Variants in KIAA0753 observed in about 807,000 individuals in gnomAD.
The protein encoded by KIAA0753 is protein moonraker.
Under a neutral mutation model 116.9 loss-of-function variants are expected in KIAA0753, and 114 were observed. The ratio of observed to expected loss-of-function variants is 0.98; its 90% CI spans 0.84 to 1.14. The LOEUF is 1.14. KIAA0753 is among the 50% of genes most tolerant of loss of function. KIAA0753 has a pLI of 0.00. For missense variants in KIAA0753, 1,156 were observed against 1,172.4 expected (o/e 0.99, Z 0.20); for synonymous variants, 405 against 413.1 (o/e 0.98, Z 0.24).
intron 9 of KIAA0753, among the ~76,000 whole-genome samples, chr17:6,609,129 G>A (rs113232826): frequency 0.014 from 2,137 of 152,262 alleles, 48 homozygotes; most frequent in African/African-American, 0.048. Context: ...GGATGAGCAC[G>A]GCCATTCCTT....
Position 6,607,281 on chromosome 17 carries a change from G to C in KIAA0753, c.1830-11C>G. The stretch of plus-strand genomic sequence containing the variant: ...TCAAGCCAAGCGAGCCTAGCAGACA[G>C]TCAAAAGAGTCAAACCAATTCTGCC... On this transcript the variant is annotated splice_polypyrimidine_tract_variant and intron_variant, in intron 10 of 18. Coordinates refer to ENST00000361413, the MANE Select transcript of KIAA0753 (RefSeq NM_014804.3). 3.7e-6 allele frequency: 6 copies of C among 1,611,606 alleles called. No homozygotes were observed. The highest frequency in any genetic ancestry group is 4.2e-6 in the Non-Finnish European group (5 of 1,177,968).
chr17:6,616,780 C>T (rs1319921368), intron 7 of KIAA0753, among the ~76,000 whole-genome samples: 1 of 152,102 alleles, frequency 6.6e-6, no homozygotes, highest in African/African-American at 2.4e-5. Context: ...GAGCTGAGAT[C>T]GTGCCACTGC....
intron 18 of KIAA0753, among the ~76,000 whole-genome samples, chr17:6,580,961 A>G (rs1244590010): frequency 1.3e-5 from 2 of 151,670 alleles, no homozygotes; most frequent in Non-Finnish European, 2.9e-5. Flanking sequence ...CAAGCTTCGT[A>G]TCTCCCAAGT....
At chr17:6,619,754 G>GA (rs1379581209) in intron 7 of KIAA0753, among the ~76,000 whole-genome samples, 1 of 151,266 alleles carries the variant, frequency 6.6e-6, no homozygotes, top group Non-Finnish European at 1.5e-5. Context: ...TTTAAAAAAA[G>GA]AAAAAAGAAA....
At chr17:6,621,044 G>GTGAT (rs1400206237) in intron 6 of KIAA0753, 46 bp from the exon 7 acceptor site, 1 of 1,570,926 alleles carries the variant, frequency 6.4e-7, no homozygotes, top group African/African-American at 1.4e-5. Context: ...TCTCGCAAAA[G>GTGAT]TATGACTTTT....
Position 6,590,614 on chromosome 17 carries a change from T to C in KIAA0753, c.2457A>G (p.Ala819=). 5.0e-6 allele frequency: 8 copies of C among 1,613,890 alleles called. No homozygotes were observed. The highest frequency in any genetic ancestry group is 5.9e-6 in the Non-Finnish European group (7 of 1,179,810). ...GAGGAGATAGAGGCTTTTCACTTAT[T>C]GCTGAGATTTTTTGGTCTAGAAAAG... is the stretch of plus-strand genomic sequence containing the variant. The part of the protein sequence containing the change: ...QEENNDQKIS[A]ISEKPLSPHP... The change falls in exon 17 of 19, where the codon GCA becomes GCG. Residue 819 remains alanine, a synonymous_variant. Transcript: ENST00000361413.
rs1394903862 is a variant in KIAA0753 at position 6,595,025 on chromosome 17, T to C, written c.2387A>G (p.Tyr796Cys). The C allele has an allele frequency of 3.7e-6, 6 of 1,611,592 alleles. No individual in the cohort carries two copies. Among genetic ancestry groups the C allele is most frequent in the African/African-American group, 2.7e-5 (2 of 74,868 alleles). The change falls in exon 16 of 19, where the codon TAT (tyrosine) becomes TGT (cysteine). Residue 796 changes from tyrosine to cysteine, a missense_variant. Transcript: ENST00000361413. ...EKYQESVRQR[Y>C]NKIAYADPRL... The stretch of plus-strand genomic sequence containing the variant: ...AGGATCAGCATATGCGATTTTATTA[T>C]ATCTTTGACGAACAGACTCCTGGTA...
chr17:6,602,529 GAT>G (rs1969943375), intron 12 of KIAA0753, among the ~76,000 whole-genome samples: 1 of 152,190 alleles, frequency 6.6e-6, no homozygotes, highest in South Asian at 2.1e-4. Flanking sequence ...GGTAGATCTT[GAT>G]GATTCTATTC....
intron 6 of KIAA0753, among the ~76,000 whole-genome samples, chr17:6,621,649 A>G (rs1971332656): frequency 6.6e-6 from 1 of 152,184 alleles, no homozygotes; most frequent in African/African-American, 2.4e-5. Flanking sequence ...GAAAAATAAC[A>G]CATTTCTTGC....
chr17:6,604,143 T>C (rs1970045621), intron 12 of KIAA0753, among the ~76,000 whole-genome samples: 2 of 152,040 alleles, frequency 1.3e-5, no homozygotes, highest in Non-Finnish European at 2.9e-5. Context: ...TGGGCATTTA[T>C]CCCAGGAAAA....
chr17:6,617,778 G>A (rs1016880929), intron 7 of KIAA0753, among the ~76,000 whole-genome samples: 3 of 152,206 alleles, frequency 2.0e-5, no homozygotes, highest in Admixed American at 6.5e-5. Context: ...GTTCGTCATC[G>A]ATCATGCCTA....
At chr17:6,633,594 T>C (rs570496373) in intron 2 of KIAA0753, among the ~76,000 whole-genome samples, 3 of 152,172 alleles carry the variant, frequency 2.0e-5, no homozygotes, top group Admixed American at 6.5e-5. Context: ...AGAATGTTCA[T>C]AGCAGCTTTA....
intron 16 of KIAA0753, among the ~76,000 whole-genome samples, chr17:6,591,317 T>C (rs1210635010): frequency 3.9e-5 from 6 of 152,260 alleles, no homozygotes; most frequent in African/African-American, 1.2e-4. Context: ...GGAGCATCTA[T>C]ATGTCAAGCG....
intron 1 of KIAA0753, chr17:6,636,718 C>T (rs1972349017): frequency 6.6e-6 from 1 of 152,554 alleles, no homozygotes; most frequent in Non-Finnish European, 1.5e-5. Flanking sequence ...ATCCGCAACC[C>T]ATGACAAACC....
At chr17:6,582,881 CT>C (rs1335598318) in intron 18 of KIAA0753, among the ~76,000 whole-genome samples, 1 of 151,882 alleles carries the variant, frequency 6.6e-6, no homozygotes, top group African/African-American at 2.4e-5. Flanking sequence ...TATTCCCTTC[CT>C]GACTTATATT....
chr17:6,592,630 AC>A (rs1409747379), intron 16 of KIAA0753, among the ~76,000 whole-genome samples: 1 of 152,124 alleles, frequency 6.6e-6, no homozygotes, highest in Non-Finnish European at 1.5e-5. Context: ...AACAAAATGA[AC>A]CCCAACCTCT....
intron 8 of KIAA0753, among the ~76,000 whole-genome samples, chr17:6,611,150 T>G (rs1970512953): frequency 6.6e-6 from 1 of 152,210 alleles, no homozygotes; most frequent in Non-Finnish European, 1.5e-5. Context: ...GGGCCATAAG[T>G]AAGTTTTAAA....
chr17:6,589,939 G>C lies in KIAA0753; in HGVS notation c.2626C>G (p.Leu876Val), dbSNP rs1334576620. Residue 876 changes from leucine to valine, a missense_variant, in exon 18 of 19, where the codon CTA becomes GTA. Transcript: ENST00000361413. The stretch of plus-strand genomic sequence containing the variant: ...TCTTTCTGTTGAGAATCTTCGGCTA[G>C]GGAGAGAAGAGGGGCCTCTCTTTTC... ...SEKREAPLLSLAEDSQQKEGR... is the reference protein window; with the variant it reads ...SEKREAPLLSVAEDSQQKEGR... The C allele has an allele frequency of 6.2e-7, 1 of 1,610,550 alleles. No homozygotes were observed. The highest frequency in any genetic ancestry group is 8.5e-7 in the Non-Finnish European group (1 of 1,178,994).
At position 6,612,288 on chromosome 17, in the gene KIAA0753, TTCC is replaced by T. The variant is rs1970606982; in HGVS notation, c.1316-143_1316-141del. On this transcript the variant is annotated intron_variant, in intron 7 of 18. Coordinates refer to ENST00000361413, the MANE Select transcript of KIAA0753 (RefSeq NM_014804.3). ...AGCAGATGTTTTGTTGTCAACATTG[TTCC>T]TCCTCCTATGAATATTACTGCAGGT... 5 of 649,860 alleles carry T rather than the reference TTCC, an allele frequency of 7.7e-6. No individual in the cohort carries two copies. In the Admixed American group the frequency reaches 1.5e-4, roughly 19 times the overall value. 40.3% of individuals were successfully genotyped at this position (649,860 alleles called of 1,614,324 possible). A position where few individuals can be genotyped will look rare whatever the true frequency, so the allele number is the denominator to read the frequency against.
Sources: gnomAD v4.1 joint callset for allele counts (sites outside exome capture counted in the v4.1 genomes callset) on GRCh38, gnomAD v4.1.1 for gene constraint, MANE v1.5 for transcripts, NCBI Gene and HGNC (gene_info 2026-07-23, HGNC 2026-07-21) for gene names.